CNTN4: variants seen among roughly 807,000 people sequenced by gnomAD.
CNTN4 encodes the protein contactin 4.
CNTN4 carries 77 observed loss-of-function variants against 122.5 expected under a neutral mutation model. The ratio of observed to expected loss-of-function variants is 0.63; its 90% CI spans 0.52 to 0.76. The LOEUF (loss-of-function observed/expected upper bound fraction) is 0.76, where lower values mean the gene tolerates loss of function less well. Among genes scored for constraint, CNTN4 ranks in the 30% least tolerant of loss-of-function variants. The pLI, the probability that CNTN4 is intolerant of heterozygous loss-of-function variation, is 0.00. For missense variants in CNTN4, 1,256 were observed against 1,259.1 expected, an observed-to-expected ratio of 1.00 and a Z score of 0.04; for synonymous variants, 512 against 447.0, an observed-to-expected ratio of 1.15 and a Z score of -1.83.
chr3:2,264,399 G>T (rs2040959890), intron 2 of CNTN4, among the ~76,000 whole-genome samples: 1 of 151,884 alleles, frequency 6.6e-6, no homozygotes, highest in Non-Finnish European at 1.5e-5. Flanking sequence ...TATACCCATT[G>T]GCCATTTGTT....
intron 4 of CNTN4, among the ~76,000 whole-genome samples, chr3:2,682,990 ACTGACCC>A (rs2085242719): frequency 6.6e-6 from 1 of 152,004 alleles, no homozygotes; most frequent in Non-Finnish European, 1.5e-5. Flanking sequence ...CATACCAATC[ACTGACCC>A]CATCATTCAG....
chr3:2,137,528 T>C (rs2034753884), intron 2 of CNTN4, among the ~76,000 whole-genome samples: 1 of 152,186 alleles, frequency 6.6e-6, no homozygotes, highest in African/African-American at 2.4e-5. Context: ...TTATTCAAAA[T>C]GAATTGTATT....
intron 4 of CNTN4, among the ~76,000 whole-genome samples, chr3:2,687,191 A>T (rs547112756): frequency 9.0e-5 from 2 of 22,132 alleles, no homozygotes; most frequent in Non-Finnish European, 2.0e-4. Flanking sequence ...TTGGTGATAT[A>T]AAAAGAGTGG....
chr3:2,659,460 C>CAAAAAAAAAAAAAAAAAAAAAAAAA (rs59025670), intron 4 of CNTN4, among the ~76,000 whole-genome samples: 2 of 53,962 alleles, frequency 3.7e-5, no homozygotes, highest in African/African-American at 6.5e-5. Flanking sequence ...GACTCCATCT[C>CAAAAAAAAAAAAAAAAAAAAAAAAA]AAAAAAAAAA....
intron 2 of CNTN4, among the ~76,000 whole-genome samples, chr3:2,182,466 TAAGTC>T (rs1430442098): frequency 1.3e-5 from 2 of 151,890 alleles, no homozygotes; most frequent in Non-Finnish European, 2.9e-5. Flanking sequence ...AATTCCAAGT[TAAGTC>T]TTTTCATCTT....
intron 3 of CNTN4, among the ~76,000 whole-genome samples, chr3:2,404,196 T>A (rs1355905769): frequency 2.0e-5 from 3 of 152,170 alleles, no homozygotes; most frequent in Non-Finnish European, 4.4e-5. Context: ...CAACACCCAT[T>A]TATTAGCTTA....
intron 23 of CNTN4, among the ~76,000 whole-genome samples, chr3:3,047,327 C>G (rs934927685): frequency 1.3e-5 from 2 of 152,192 alleles, no homozygotes; most frequent in Non-Finnish European, 2.9e-5. Flanking sequence ...AATATACATT[C>G]TTCTCAGCAC....
At chr3:2,888,606 A>C (rs1395015966) in intron 10 of CNTN4, among the ~76,000 whole-genome samples, 8 of 152,160 alleles carry the variant, frequency 5.3e-5, no homozygotes, top group Admixed American at 5.2e-4. Context: ...CTCCTTTCAT[A>C]AATATCCATG....
intron 6 of CNTN4, among the ~76,000 whole-genome samples, chr3:2,795,686 A>C (rs1463708068): frequency 4.6e-5 from 7 of 151,732 alleles, no homozygotes; most frequent in Non-Finnish European, 1.0e-4. Context: ...ACGCTCAGCT[A>C]ATTTTTTGTA....
At chr3:2,702,336 C>A (rs564680441) in intron 4 of CNTN4, among the ~76,000 whole-genome samples, 1 of 152,304 alleles carries the variant, frequency 6.6e-6, no homozygotes, top group African/African-American at 2.4e-5. Context: ...GGTAAAAGAA[C>A]AAACGAACAC....
chr3:2,280,607 TATAAA>T (rs1247006395), intron 2 of CNTN4, among the ~76,000 whole-genome samples: 1 of 152,210 alleles, frequency 6.6e-6, no homozygotes, highest in African/African-American at 2.4e-5. Flanking sequence ...ATTAGCTGCC[TATAAA>T]ATATGTGGTC....
chr3:2,320,587 T>G (rs567433821), intron 2 of CNTN4, among the ~76,000 whole-genome samples: 195 of 152,254 alleles, frequency 1.3e-3, no homozygotes, highest in Admixed American at 2.4e-3. Flanking sequence ...AATGGCACAT[T>G]AATTTTCTAT....
At position 2,124,470 on chromosome 3, in the gene CNTN4, ACACC is replaced by A. The variant is rs761203413; in HGVS notation, c.-145+23833_-145+23836del. 3.4e-3 allele frequency among the ~76,000 whole-genome samples: 495 copies of A among 144,550 alleles called. 1 individual carries two copies. The highest frequency in any genetic ancestry group is 5.3e-3 in the Non-Finnish European group (348 of 65,144). The allele number at this position is 144,550 out of a possible 152,430, so 94.8% of individuals were successfully genotyped here. A position where few individuals can be genotyped will look rare whatever the true frequency, so the allele number is the denominator to read the frequency against. ...CACACACACACACACACACACACAC[ACACC>A]CCCTTAAGCAAGGTATGCTGGCTCA... is the stretch of plus-strand genomic sequence containing the variant. On this transcript the variant is annotated intron_variant, in intron 2 of 24. Coordinates refer to ENST00000418658, the MANE Select transcript of CNTN4 (RefSeq NM_175607.3).
rs139877674 is a variant in CNTN4 at position 2,928,137 on chromosome 3, A to C, written c.1358+2358A>C. The stretch of plus-strand genomic sequence containing the variant: ...ATCTTCTTGTTCTTCAAGAGAAACT[A>C]GAAATCTAGACTTTTGTTTGAGCTT... On this transcript the variant is annotated intron_variant, in intron 13 of 24. Transcript: ENST00000418658. Among the ~76,000 whole-genome samples the C allele has an allele frequency of 4.6e-5, 7 of 152,352 alleles. No homozygotes were observed. In the East Asian group the frequency reaches 1.3e-3, roughly 29 times the overall value.
chr3:2,776,581 G>A (rs1347923625), intron 6 of CNTN4, among the ~76,000 whole-genome samples: 1 of 152,154 alleles, frequency 6.6e-6, no homozygotes, highest in Non-Finnish European at 1.5e-5. Flanking sequence ...ACGTGAATTT[G>A]TGTGACATGC....
At chr3:2,214,109 G>A (rs1351997251) in intron 2 of CNTN4, among the ~76,000 whole-genome samples, 1 of 152,086 alleles carries the variant, frequency 6.6e-6, no homozygotes. Context: ...TGGGAGGAGG[G>A]AATGATTTTT....
chr3:2,236,123 T>G (rs574573845), intron 2 of CNTN4, among the ~76,000 whole-genome samples: 1 of 152,308 alleles, frequency 6.6e-6, no homozygotes, highest in African/African-American at 2.4e-5. Context: ...ATGAAAGCAC[T>G]GTGTAGCAGC....
chr3:2,479,678 C>G (rs2075934353), intron 3 of CNTN4, among the ~76,000 whole-genome samples: 1 of 152,184 alleles, frequency 6.6e-6, no homozygotes, highest in South Asian at 2.1e-4. Context: ...GTGTGCCTGT[C>G]TATCAGACAC....
chr3:2,574,810 G>T (rs969144786), intron 4 of CNTN4, among the ~76,000 whole-genome samples: 2 of 151,938 alleles, frequency 1.3e-5, no homozygotes, highest in African/African-American at 2.4e-5. Context: ...ATCTGTGCCC[G>T]GCTCTACTCC....
Sources: gnomAD v4.1 joint callset for allele counts (sites outside exome capture counted in the v4.1 genomes callset) on GRCh38, gnomAD v4.1.1 for gene constraint, MANE v1.5 for transcripts, NCBI Gene and HGNC (gene_info 2026-07-23, HGNC 2026-07-21) for gene names.